Variants in CGRRF1 observed in about 807,000 individuals in gnomAD.
CGRRF1 encodes the protein cell growth regulator with RING finger domain protein 1.
A neutral mutation model predicts 37.2 loss-of-function variants in CGRRF1; 32 were observed. The ratio of observed to expected loss-of-function variants is 0.86; its 90% CI spans 0.65 to 1.16. The LOEUF is 1.16. Among genes scored for constraint, CGRRF1 ranks in the 50% most tolerant of loss-of-function variants. The probability of loss-of-function intolerance (pLI) is 0.00; values close to 1 mark genes in which losing one functional copy is unlikely to be tolerated. For missense variants in CGRRF1, 391 were observed against 382.6 expected, an observed-to-expected ratio of 1.02 and a Z score of -0.18; for synonymous variants, 141 against 140.3, an observed-to-expected ratio of 1.00 and a Z score of -0.04.
intron 4 of CGRRF1, among the ~76,000 whole-genome samples, chr14:54,535,186 T>G (rs2032580028): frequency 6.6e-6 from 1 of 152,210 alleles, no homozygotes; most frequent in African/African-American, 2.4e-5. Flanking sequence ...TCATCTGCTT[T>G]ATAAATTTAA....
At chr14:54,526,234 C>T (rs1417644773) in intron 2 of CGRRF1, among the ~76,000 whole-genome samples, 1 of 138,312 alleles carries the variant, frequency 7.2e-6, no homozygotes, top group Non-Finnish European at 1.5e-5. Context: ...ACTGCAACGT[C>T]TGCCTCCCAG....
At chr14:54,530,024 A>G in intron 2 of CGRRF1, 25 bp from the exon 3 acceptor site, 3 of 1,582,608 alleles carry the variant, frequency 1.9e-6, no homozygotes, top group Non-Finnish European at 2.6e-6. Flanking sequence ...AATCACTTTC[A>G]TTCTTTCTCC....
chr14:54,510,742 T>C (rs140179928), intron 1 of CGRRF1, among the ~76,000 whole-genome samples: 168 of 152,332 alleles, frequency 1.1e-3, no homozygotes, highest in African/African-American at 3.9e-3. Flanking sequence ...CGCTGAGCAA[T>C]TCTTCTAGCC....
At chr14:54,521,275 A>G (rs982418013) in intron 1 of CGRRF1, among the ~76,000 whole-genome samples, 11 of 151,960 alleles carry the variant, frequency 7.2e-5, no homozygotes, top group Non-Finnish European at 1.3e-4. Flanking sequence ...AGCCTGGTCA[A>G]TATGGTGAAA....
intron 2 of CGRRF1, among the ~76,000 whole-genome samples, chr14:54,526,387 G>C (rs2032412548): frequency 6.6e-6 from 1 of 151,514 alleles, no homozygotes; most frequent in Admixed American, 6.6e-5. Flanking sequence ...TTGACCTCAT[G>C]ATCTGCCCAC....
At chr14:54,524,318 A>C (rs1425519148) in intron 2 of CGRRF1, among the ~76,000 whole-genome samples, 1 of 152,140 alleles carries the variant, frequency 6.6e-6, no homozygotes. Flanking sequence ...ACTGGTCAGA[A>C]ATCAGTTTAC....
At chr14:54,528,613 AAT>A (rs1467010312) in intron 2 of CGRRF1, among the ~76,000 whole-genome samples, 1 of 152,054 alleles carries the variant, frequency 6.6e-6, no homozygotes, top group Non-Finnish European at 1.5e-5. Flanking sequence ...CAAAGGGAAA[AAT>A]ATGTGTGATT....
intron 4 of CGRRF1, among the ~76,000 whole-genome samples, chr14:54,535,841 T>A (rs2032593074): frequency 6.6e-6 from 1 of 152,284 alleles, no homozygotes; most frequent in Non-Finnish European, 1.5e-5. Context: ...TTTGTTTGCT[T>A]ATCTGTTGTC....
chr14:54,536,640 A>C (rs1011899406), intron 4 of CGRRF1: 1 of 152,288 alleles, frequency 6.6e-6, no homozygotes, highest in South Asian at 2.1e-4. Context: ...GTCAAGGCTC[A>C]TGTTTATATC....
intron 4 of CGRRF1, among the ~76,000 whole-genome samples, chr14:54,534,017 G>A (rs923306953): frequency 2.0e-5 from 3 of 151,974 alleles, no homozygotes; most frequent in Admixed American, 1.3e-4. Context: ...TCACTTAGTA[G>A]TATATTCAAA....
intron 4 of CGRRF1, among the ~76,000 whole-genome samples, chr14:54,535,130 G>A (rs1468446298): frequency 1.3e-5 from 2 of 152,188 alleles, no homozygotes; most frequent in East Asian, 3.9e-4. Flanking sequence ...GCTTCAGTGT[G>A]TATTTCCTAA....
intron 2 of CGRRF1, among the ~76,000 whole-genome samples, chr14:54,525,307 A>G (rs1271286769): frequency 2.6e-5 from 4 of 152,228 alleles, no homozygotes. Context: ...GAGGAAATCC[A>G]TCAATCTGCT....
At position 54,530,910 on chromosome 14, in the gene CGRRF1, A is replaced by C. The variant is rs755839044; in HGVS notation, c.430A>C (p.Lys144Gln). Residue 144 changes from lysine (K) to glutamine (Q), a missense_variant, in exon 4 of 6, where the codon AAG (lysine) becomes CAG (glutamine). Physicochemically the swap from Lys to Gln is moderately conservative, Grantham distance 53. Transcript: ENST00000216420. ...CTTTACATTTTCAAAAAGTATTAAAAAGGATAGCAAAGAAGAAATATATTG... is the reference window on the plus strand; with the variant it reads ...CTTTACATTTTCAAAAAGTATTAAACAGGATAGCAAAGAAGAAATATATTG... Reference protein sequence around the residue: ...YLYQEQYFIKKDSKEEIYCQL... With the variant: ...YLYQEQYFIKQDSKEEIYCQL... The C allele has an allele frequency of 6.3e-7, 1 of 1,588,832 alleles. No homozygotes were observed. The highest frequency in any genetic ancestry group is 1.7e-5 in the Admixed American group (1 of 58,814).
At chr14:54,525,917 G>A (rs979775918) in intron 2 of CGRRF1, among the ~76,000 whole-genome samples, 2 of 151,920 alleles carry the variant, frequency 1.3e-5, no homozygotes, top group Non-Finnish European at 2.9e-5. Flanking sequence ...CCAACATGGC[G>A]AAACCTCATC....
chr14:54,532,178 T>G (rs1003583225), intron 4 of CGRRF1, among the ~76,000 whole-genome samples: 1 of 152,194 alleles, frequency 6.6e-6, no homozygotes, highest in Non-Finnish European at 1.5e-5. Flanking sequence ...AATATCTTCC[T>G]GCAACAAGTG....
intron 2 of CGRRF1, 149 bp downstream of exon 2, chr14:54,522,742 G>T: frequency 1.4e-6 from 1 of 699,424 alleles, no homozygotes; most frequent in Non-Finnish European, 2.3e-6. Flanking sequence ...TACTGTATAT[G>T]ACAGATACAA....
chr14:54,517,605 G>C (rs1474098148), intron 1 of CGRRF1, among the ~76,000 whole-genome samples: 1 of 151,930 alleles, frequency 6.6e-6, no homozygotes. Context: ...TTTTAGTTGA[G>C]TATTTTATTT....
intron 2 of CGRRF1, among the ~76,000 whole-genome samples, chr14:54,526,993 C>CT (rs202044517): frequency 0.01 from 1,530 of 152,076 alleles, 13 homozygotes; most frequent in Admixed American, 0.021. Context: ...ATTTTTTTCA[C>CT]TTTTTTGCAA....
chr14:54,514,278 G>A (rs769816078), intron 1 of CGRRF1, among the ~76,000 whole-genome samples: 1 of 152,160 alleles, frequency 6.6e-6, no homozygotes, highest in Non-Finnish European at 1.5e-5. Context: ...TGTGAGGATG[G>A]ATTGTAAGCC....
Sources: gnomAD v4.1 joint callset for allele counts (sites outside exome capture counted in the v4.1 genomes callset) on GRCh38, gnomAD v4.1.1 for gene constraint, MANE v1.5 for transcripts, NCBI Gene and HGNC (gene_info 2026-07-23, HGNC 2026-07-21) for gene names.